The following SMC4 variants were observed in gnomAD, a reference collection of about 807,000 sequenced individuals.
SMC4 encodes structural maintenance of chromosomes 4.
In SMC4, 87 loss-of-function variants were observed where a neutral mutation model predicts 145.6. The ratio of observed to expected loss-of-function variants is 0.60; its 90% confidence interval spans 0.50 to 0.71. SMC4 has a LOEUF of 0.71. SMC4 is among the 30% of genes least tolerant of loss of function. The pLI is 0.00. For missense variants in SMC4, 1,447 were observed against 1,537.1 expected, an observed-to-expected ratio of 0.94 and a Z score of 0.98; for synonymous variants, 558 against 500.7, an observed-to-expected ratio of 1.11 and a Z score of -1.53.
intron 5 of SMC4, among the ~76,000 whole-genome samples, chr3:160,405,135 G>GT (rs986571889): frequency 2.0e-5 from 3 of 151,950 alleles, no homozygotes; most frequent in Non-Finnish European, 4.4e-5. Context: ...ATATTACATT[G>GT]TTAAGTATCA....
At chr3:160,401,200 TTTTG>T (rs1392497064) in intron 2 of SMC4, among the ~76,000 whole-genome samples, 2 of 151,914 alleles carry the variant, frequency 1.3e-5, no homozygotes, top group African/African-American at 4.8e-5. Context: ...AGTTGTGAAT[TTTTG>T]TTTGTGACCT....
chr3:160,428,773 A>C lies in SMC4; in HGVS notation c.2626A>C (p.Lys876Gln). ...FKTEYDAVAE[K>Q]AGKVEAEVKR... ...TTCAGAATATGATGCTGTGGCTGAG[A>C]AAGCTGGTAAAGTAGAAGCTGAGGT... Residue 876 changes from lysine (K) to glutamine (Q), a missense_variant, in exon 18 of 24, where the codon AAA becomes CAA. Physicochemically the swap from Lys to Gln is moderately conservative, Grantham distance 53 (BLOSUM62 1). Coordinates refer to ENST00000357388, the MANE Select transcript of SMC4 (RefSeq NM_001002800.3). The C allele has an allele frequency of 6.3e-7, 1 of 1,587,240 alleles. No homozygotes were observed. The highest frequency in any genetic ancestry group is 8.5e-7 in the Non-Finnish European group (1 of 1,173,678).
chr3:160,432,637 A>T (rs967387657), intron 22 of SMC4, 122 bp downstream of exon 22: 10 of 647,696 alleles, frequency 1.5e-5, no homozygotes, highest in Middle Eastern at 3.3e-4. Flanking sequence ...TTTACTAGTA[A>T]ATACTAATTT....
chr3:160,420,935 A>ATTT (rs759064708), intron 13 of SMC4, 34 bp downstream of exon 13: 3 of 1,253,750 alleles, frequency 2.4e-6, no homozygotes, highest in Admixed American at 2.3e-5. Context: ...TATAATTGGA[A>ATTT]TTTTTTTTTT....
chr3:160,434,006 C>A lies in SMC4; in HGVS notation c.*197C>A. 2.4e-6 allele frequency: 1 copy of A among 423,172 alleles called. No individual in the cohort carries two copies. Among genetic ancestry groups the A allele is most frequent in the Non-Finnish European group, 4.2e-6 (1 of 239,982 alleles). The allele number at this position is 423,172 out of a possible 1,614,324, so 26.2% of individuals were successfully genotyped here. ...TTCTAGATTACAAAAATATGACAAT[C>A]TTGTAAGTAGCAGACTATGGAGAAA... On this transcript the variant is annotated 3_prime_UTR_variant, in exon 24 of 24. Coordinates refer to ENST00000357388, the MANE Select transcript of SMC4 (RefSeq NM_001002800.3).
chr3:160,430,554 CAA>C, intron 18 of SMC4, 43 bp from the exon 19 acceptor site: 1 of 1,473,362 alleles, frequency 6.8e-7, no homozygotes, highest in Non-Finnish European at 9.0e-7. Flanking sequence ...GAAACAATAA[CAA>C]ATCACCTTAC....
Position 160,419,415 on chromosome 3 carries a change from C to T in SMC4, c.1729C>T (p.His577Tyr). The T allele has an allele frequency of 6.2e-7, 1 of 1,611,780 alleles. No individual in the cohort carries two copies. The highest frequency in any genetic ancestry group is 8.5e-7 in the Non-Finnish European group (1 of 1,179,418). ...QEETNFKSLV[H>Y]DLFQKVEEAK... ...AGAAACAAACTTTAAAAGTTTGGTTCATGATCTCTTTCAAAAAGTTGAAGA... is the reference window on the plus strand; with the variant it reads ...AGAAACAAACTTTAAAAGTTTGGTTTATGATCTCTTTCAAAAAGTTGAAGA... Residue 577 changes from histidine to tyrosine, a missense_variant, in exon 12 of 24, where the codon CAT becomes TAT. His to Tyr is a moderately conservative substitution (Grantham distance 83, BLOSUM62 2). Coordinates refer to ENST00000357388, the MANE Select transcript of SMC4 (RefSeq NM_001002800.3).
At chr3:160,416,174 C>A in intron 9 of SMC4, 77 bp from the exon 10 acceptor site, 1 of 1,040,724 alleles carries the variant, frequency 9.6e-7, no homozygotes, top group Non-Finnish European at 1.3e-6. Context: ...CTGAGAAATG[C>A]CTTTAAATAT....
chr3:160,425,146 G>A, intron 16 of SMC4, 127 bp downstream of exon 16: 2 of 1,335,312 alleles, frequency 1.5e-6, no homozygotes, highest in Non-Finnish European at 2.0e-6. Context: ...AGGATCTATA[G>A]GCAGATATAA....
Position 160,411,983 on chromosome 3 carries a change from C to G in SMC4, c.751C>G (p.Leu251Val). 6.2e-7 allele frequency: 1 copy of G among 1,613,524 alleles called. No homozygotes were observed. Among genetic ancestry groups the G allele is most frequent in the Non-Finnish European group, 8.5e-7 (1 of 1,179,728 alleles). Residue 251 changes from leucine (L) to valine (V), a missense_variant, in exon 6 of 24, where the codon CTT (leucine) becomes GTT (valine). Physicochemically the swap from Leu to Val is conservative, Grantham distance 32 (BLOSUM62 1). Transcript: ENST00000357388. The part of the protein sequence containing the change: ...KGQTEHDEGM[L>V]EYLEDIIGCG... ...CCAGACTGAACACGATGAGGGTATG[C>G]TTGAATATTTAGAAGATATAATTGG...
Position 160,430,722 on chromosome 3 carries a change from A to G in SMC4, c.2919A>G (p.Val973=), listed in dbSNP as rs752243114. Residue 973 remains valine, a synonymous_variant, in exon 19 of 24, where the codon GTA becomes GTG. Coordinates refer to ENST00000357388, the MANE Select transcript of SMC4 (RefSeq NM_001002800.3). ...KSLEDKAAEV[V]KNTNAAEESL... Reference sequence around the variant, plus strand: ...TTGAGGACAAAGCAGCAGAGGTCGTAAAGAATACAAATGCTGCAGAGGTAT... The same window carrying G: ...TTGAGGACAAAGCAGCAGAGGTCGTGAAGAATACAAATGCTGCAGAGGTAT... The G allele has an allele frequency of 6.8e-6, 11 of 1,612,032 alleles. No homozygotes were observed. Among genetic ancestry groups the G allele is most frequent in the Non-Finnish European group, 9.3e-6 (11 of 1,179,468 alleles).
At chr3:160,418,203 TAAAC>T (rs1368481961) in intron 11 of SMC4, among the ~76,000 whole-genome samples, 1 of 152,122 alleles carries the variant, frequency 6.6e-6, no homozygotes, top group Non-Finnish European at 1.5e-5. Flanking sequence ...AGAAATAATT[TAAAC>T]AAAAGAAAGT....
intron 1 of SMC4, 151 bp downstream of exon 1, chr3:160,399,900 C>T (rs935408696): frequency 4.6e-5 from 7 of 152,420 alleles, no homozygotes; most frequent in Admixed American, 4.6e-4. Flanking sequence ...CCCCTCCCCC[C>T]TCGGCCGCTC....
intron 5 of SMC4, among the ~76,000 whole-genome samples, chr3:160,410,038 T>C (rs546246497): frequency 1.3e-3 from 192 of 152,296 alleles, no homozygotes; most frequent in Non-Finnish European, 2.3e-3. Flanking sequence ...ACCACACCAC[T>C]GTACTCCAGC....
chr3:160,426,938 G>A (rs1259719406), intron 17 of SMC4, among the ~76,000 whole-genome samples: 3 of 152,182 alleles, frequency 2.0e-5, no homozygotes. Context: ...AGTTTGCTTT[G>A]TGAGCCAAGG....
intron 11 of SMC4, 86 bp from the exon 12 acceptor site, chr3:160,419,272 A>G (rs1716914291): frequency 2.4e-6 from 2 of 839,108 alleles, no homozygotes; most frequent in African/African-American, 1.8e-5. Flanking sequence ...CTTTATTGTT[A>G]TTAAAGCATT....
chr3:160,431,588 T>C (rs1718411094), intron 20 of SMC4, 55 bp from the exon 21 acceptor site: 1 of 1,275,012 alleles, frequency 7.8e-7, no homozygotes, highest in African/African-American at 1.5e-5. Context: ...TTTTAAACAA[T>C]GAATTGTATG....
rs923250260 is a variant in SMC4 at position 160,404,513 on chromosome 3, A to C, written c.687+9A>C. On this transcript the variant is annotated intron_variant, in intron 5 of 23. Transcript: ENST00000357388. Reference sequence around the variant, plus strand: ...GATTTTTAATTTTACAGGTAAGTTTATTAAAGACTTCAAAGATTCTCTTAT... The same window carrying C: ...GATTTTTAATTTTACAGGTAAGTTTCTTAAAGACTTCAAAGATTCTCTTAT... The C allele has an allele frequency of 5.0e-6, 8 of 1,603,208 alleles. No homozygotes were observed. Among genetic ancestry groups the C allele is most frequent in the African/African-American group, 1.3e-5 (1 of 74,088 alleles).
chr3:160,409,226 A>T (rs991351807), intron 5 of SMC4, among the ~76,000 whole-genome samples: 3 of 139,478 alleles, frequency 2.2e-5, no homozygotes, highest in African/African-American at 5.4e-5. Flanking sequence ...AGATCGCGCC[A>T]CTGCACTCCA....
Sources: allele counts gnomAD v4.1 joint callset (sites outside exome capture counted in the v4.1 genomes callset), GRCh38; gene constraint gnomAD v4.1.1; transcripts MANE v1.5; gene names NCBI Gene and HGNC (gene_info 2026-07-23, HGNC 2026-07-21).